The following RGS22 variants were observed in gnomAD, a reference collection of about 807,000 sequenced individuals.
The protein encoded by RGS22 is regulator of G-protein signaling 22.
Under a neutral mutation model 172.9 loss-of-function variants are expected in RGS22, and 148 were observed. That is an observed-to-expected ratio of 0.86 (90% confidence interval 0.75 to 0.98). The LOEUF is 0.98. Ranked by LOEUF, RGS22 falls within the 50% of genes least tolerant of loss-of-function variation. The probability of loss-of-function intolerance (pLI) is 0.00; values close to 1 mark genes in which losing one functional copy is unlikely to be tolerated. For missense variants in RGS22, 1,347 were observed against 1,440.8 expected (o/e 0.93, Z 1.05); for synonymous variants, 458 against 480.2 (o/e 0.95, Z 0.60).
intron 15 of RGS22, among the ~76,000 whole-genome samples, chr8:100,007,477 C>T (rs1040796005): frequency 6.6e-6 from 1 of 152,288 alleles, no homozygotes; most frequent in South Asian, 2.1e-4. Flanking sequence ...GCAGTCTGAC[C>T]TGATGAACAT....
chr8:100,075,070 G>A (rs1046466645), intron 4 of RGS22, among the ~76,000 whole-genome samples: 27 of 152,110 alleles, frequency 1.8e-4, no homozygotes, highest in African/African-American at 4.3e-4. Flanking sequence ...GCGCCTGGCC[G>A]CATGCAGGTT....
At chr8:100,007,623 A>C (rs539020707) in intron 15 of RGS22, among the ~76,000 whole-genome samples, 2 of 152,302 alleles carry the variant, frequency 1.3e-5, no homozygotes, top group African/African-American at 4.8e-5. Context: ...CTTTTCTGTT[A>C]ATCAAAATTC....
chr8:100,039,077 A>C, intron 13 of RGS22, 45 bp from the exon 14 acceptor site: 1 of 1,050,198 alleles, frequency 9.5e-7, no homozygotes, highest in East Asian at 2.5e-5. Flanking sequence ...CCAATTATTA[A>C]AACTCTTACA....
At chr8:100,000,544 T>TG (rs138689649) in intron 18 of RGS22, among the ~76,000 whole-genome samples, 1,636 of 152,254 alleles carry the variant, frequency 0.011, 26 homozygotes, top group African/African-American at 0.037. Flanking sequence ...GAAGGATCAT[T>TG]GGGGAAAATC....
At chr8:99,976,567 T>A (rs576103053) in intron 23 of RGS22, among the ~76,000 whole-genome samples, 175 of 152,306 alleles carry the variant, frequency 1.1e-3, no homozygotes, top group Non-Finnish European at 2.0e-3. Context: ...TTCACCGTGT[T>A]AGCCAGGATG....
chr8:100,052,586 C>T (rs1382045523), intron 10 of RGS22, among the ~76,000 whole-genome samples: 1 of 152,086 alleles, frequency 6.6e-6, no homozygotes, highest in Non-Finnish European at 1.5e-5. Context: ...AGGCATGAGC[C>T]ACCGCGCCCG....
intron 23 of RGS22, among the ~76,000 whole-genome samples, chr8:99,977,221 A>G (rs1812050739): frequency 6.6e-6 from 1 of 151,248 alleles, no homozygotes; most frequent in African/African-American, 2.4e-5. Context: ...CTCCTGCCTC[A>G]GCCTCCCAAG....
At chr8:100,074,069 T>A (rs1811174269) in intron 4 of RGS22, among the ~76,000 whole-genome samples, 1 of 152,134 alleles carries the variant, frequency 6.6e-6, no homozygotes, top group Non-Finnish European at 1.5e-5. Flanking sequence ...CTTAAAAAAA[T>A]TTCTTTAAGT....
At chr8:99,998,810 T>G (rs912359257) in intron 19 of RGS22, among the ~76,000 whole-genome samples, 10 of 152,028 alleles carry the variant, frequency 6.6e-5, no homozygotes, top group African/African-American at 2.4e-4. Context: ...CCAGCTGTGG[T>G]GCATGCCACC....
intron 14 of RGS22, among the ~76,000 whole-genome samples, chr8:100,026,771 TA>T (rs1818223647): frequency 6.6e-6 from 1 of 152,142 alleles, no homozygotes; most frequent in Non-Finnish European, 1.5e-5. Context: ...CTAAGAAGCA[TA>T]AGACTAAAGG....
rs542055263 is a variant in RGS22 at position 100,095,652 on chromosome 8, C to T, written c.55-2143G>A. On this transcript the variant is annotated intron_variant, in intron 2 of 27. Transcript: ENST00000360863. ...GCCATAAAGGTTCTAAAAGTTTACT[C>T]TAGATTCCTGAGCTCAGCTCATCTC... is the stretch of plus-strand genomic sequence containing the variant. 1.3e-3 allele frequency among the ~76,000 whole-genome samples: 193 copies of T among 152,308 alleles called. 1 individual carries two copies. In the Middle Eastern group the frequency reaches 0.024, roughly 19 times the overall value.
At chr8:99,981,503 A>G (rs925744287) in intron 22 of RGS22, among the ~76,000 whole-genome samples, 2 of 152,170 alleles carry the variant, frequency 1.3e-5, no homozygotes, top group Admixed American at 6.5e-5. Flanking sequence ...GTAACCATGG[A>G]AAGCCAAAAG....
intron 23 of RGS22, among the ~76,000 whole-genome samples, chr8:99,967,651 C>A (rs1810891097): frequency 6.6e-6 from 1 of 152,204 alleles, no homozygotes; most frequent in Non-Finnish European, 1.5e-5. Context: ...TGCAGTGCAG[C>A]AAAGCAGCTG....
chr8:99,980,160 C>T (rs1430912813), intron 22 of RGS22, among the ~76,000 whole-genome samples: 1 of 152,108 alleles, frequency 6.6e-6, no homozygotes, highest in Non-Finnish European at 1.5e-5. Context: ...GAACTCCTGG[C>T]CTCAAGCAAT....
At chr8:100,062,035 A>T (rs573932938) in intron 9 of RGS22, among the ~76,000 whole-genome samples, 2 of 152,310 alleles carry the variant, frequency 1.3e-5, no homozygotes, top group South Asian at 4.1e-4. Flanking sequence ...TCCTCAGCAA[A>T]CTAACACAGG....
intron 18 of RGS22, among the ~76,000 whole-genome samples, chr8:100,001,514 G>A (rs181549405): frequency 2.0e-5 from 3 of 152,044 alleles, no homozygotes; most frequent in Admixed American, 6.6e-5. Flanking sequence ...GATTACAGGC[G>A]TAAGCCACCA....
intron 4 of RGS22, among the ~76,000 whole-genome samples, chr8:100,075,393 CTT>C (rs1223963305): frequency 2.6e-5 from 4 of 152,216 alleles, no homozygotes; most frequent in Middle Eastern, 3.2e-3. Flanking sequence ...CCTGCTCCCT[CTT>C]TGTCTTCCAC....
At chr8:100,076,002 T>C (rs922536104) in intron 4 of RGS22, among the ~76,000 whole-genome samples, 1 of 152,254 alleles carries the variant, frequency 6.6e-6, no homozygotes, top group Non-Finnish European at 1.5e-5. Flanking sequence ...AATCTTTTCA[T>C]GTGCTTATTG....
At chr8:100,105,245 T>C in intron 2 of RGS22, 129 bp downstream of exon 2, 5 of 727,976 alleles carry the variant, frequency 6.9e-6, no homozygotes, top group Non-Finnish European at 1.2e-5. Flanking sequence ...ACACAGTTAT[T>C]ACAATTGTTA....
Sources: allele counts gnomAD v4.1 joint callset (sites outside exome capture counted in the v4.1 genomes callset), GRCh38; gene constraint gnomAD v4.1.1; transcripts MANE v1.5; gene names NCBI Gene and HGNC (gene_info 2026-07-23, HGNC 2026-07-21).